The following SUMF1 variants were observed in gnomAD, a reference collection of about 807,000 sequenced individuals.
SUMF1 encodes the protein sulfatase modifying factor 1.
Under a neutral mutation model 47.6 loss-of-function variants are expected in SUMF1, and 48 were observed. That is an observed-to-expected ratio of 1.01 (90% CI 0.80 to 1.28). The LOEUF is 1.28. SUMF1 is among the 50% of genes most tolerant of loss of function. The pLI is 0.00. For synonymous variants in SUMF1, 230 were observed against 192.1 expected, an observed-to-expected ratio of 1.20 and a Z score of -1.63; for missense variants, 571 against 485.4, an observed-to-expected ratio of 1.18 and a Z score of -1.66.
intron 8 of SUMF1, among the ~76,000 whole-genome samples, chr3:4,224,264 G>T (rs1696128181): frequency 6.6e-6 from 1 of 152,060 alleles, no homozygotes; most frequent in Non-Finnish European, 1.5e-5. Flanking sequence ...GACCTGGAAA[G>T]GGGAGAAAAA....
At chr3:4,403,732 C>T (rs1416790131) in intron 7 of SUMF1, among the ~76,000 whole-genome samples, 1 of 152,154 alleles carries the variant, frequency 6.6e-6, no homozygotes, top group East Asian at 1.9e-4. Context: ...CAGTAAGTTG[C>T]CCCAAGTGTT....
intron 8 of SUMF1, among the ~76,000 whole-genome samples, chr3:4,086,849 G>A (rs1692682848): frequency 6.6e-6 from 1 of 151,984 alleles, no homozygotes; most frequent in Admixed American, 6.6e-5. Context: ...TCACTTGGCT[G>A]TCATTTCTGT....
At chr3:4,457,961 G>C (rs560488759) in intron 1 of SUMF1, among the ~76,000 whole-genome samples, 109 of 152,312 alleles carry the variant, frequency 7.2e-4, no homozygotes, top group Middle Eastern at 3.4e-3. Context: ...ATCCCAGAAT[G>C]AGTGAAAATC....
At chr3:4,239,890 T>A (rs1304341971) in intron 8 of SUMF1, among the ~76,000 whole-genome samples, 1 of 152,204 alleles carries the variant, frequency 6.6e-6, no homozygotes, top group East Asian at 1.9e-4. Flanking sequence ...CCATTCAGTA[T>A]GATATTGGCT....
At chr3:4,048,256 T>A (rs987970368) in intron 9 of SUMF1, among the ~76,000 whole-genome samples, 5 of 152,166 alleles carry the variant, frequency 3.3e-5, no homozygotes, top group Non-Finnish European at 7.4e-5. Context: ...TCTGCATTGG[T>A]CATATAGAAT....
At chr3:4,373,759 C>A (rs1559255100) in intron 8 of SUMF1, among the ~76,000 whole-genome samples, 2 of 151,820 alleles carry the variant, frequency 1.3e-5, no homozygotes, top group African/African-American at 2.4e-5. Context: ...CAAGAAAACA[C>A]AGAATAAACT....
At chr3:4,234,921 A>ATG (rs1696376364) in intron 8 of SUMF1, among the ~76,000 whole-genome samples, 1 of 152,158 alleles carries the variant, frequency 6.6e-6, no homozygotes, top group Non-Finnish European at 1.5e-5. Flanking sequence ...TTGTATGTAG[A>ATG]TGTGTGTGTG....
intron 3 of SUMF1, among the ~76,000 whole-genome samples, chr3:4,446,120 C>A (rs537520992): frequency 6.6e-6 from 1 of 152,248 alleles, no homozygotes; most frequent in Non-Finnish European, 1.5e-5. Flanking sequence ...AAAGTATCTC[C>A]ATTAATAAAT....
chr3:4,050,886 A>G (rs1203096906), intron 9 of SUMF1, among the ~76,000 whole-genome samples: 1 of 151,938 alleles, frequency 6.6e-6, no homozygotes, highest in Admixed American at 6.6e-5. Context: ...TCTAAGAAAC[A>G]TAATCTTCAA....
intron 8 of SUMF1, among the ~76,000 whole-genome samples, chr3:4,334,856 T>C (rs757981568): frequency 6.6e-6 from 1 of 152,240 alleles, no homozygotes; most frequent in Non-Finnish European, 1.5e-5. Context: ...TTTTTGCACC[T>C]ATTTTAGTCA....
At chr3:4,211,337 C>A (rs931357957) in intron 8 of SUMF1, among the ~76,000 whole-genome samples, 7 of 150,634 alleles carry the variant, frequency 4.6e-5, no homozygotes, top group Non-Finnish European at 1.0e-4. Flanking sequence ...CTCCACCCTC[C>A]AGTTGGCCCT....
chr3:4,199,445 T>C (rs1243606758), intron 8 of SUMF1, among the ~76,000 whole-genome samples: 1 of 152,118 alleles, frequency 6.6e-6, no homozygotes, highest in African/African-American at 2.4e-5. Flanking sequence ...CAGATACAAG[T>C]CTTTGTGTGC....
At chr3:4,144,156 G>A (rs889343769) in intron 8 of SUMF1, among the ~76,000 whole-genome samples, 19 of 151,630 alleles carry the variant, frequency 1.3e-4, no homozygotes, top group African/African-American at 3.2e-4. Flanking sequence ...TCGTAGAGAC[G>A]GGGTCTTACC....
chr3:4,330,402 G>A (rs957479683), intron 8 of SUMF1, among the ~76,000 whole-genome samples: 1 of 152,200 alleles, frequency 6.6e-6, no homozygotes, highest in African/African-American at 2.4e-5. Flanking sequence ...CACATGGCTG[G>A]GGAAGCCTCA....
chr3:4,127,901 G>A (rs987762516), intron 8 of SUMF1, among the ~76,000 whole-genome samples: 5 of 152,098 alleles, frequency 3.3e-5, no homozygotes, highest in Non-Finnish European at 5.9e-5. Flanking sequence ...TCCTTGGCAT[G>A]AACTGTTTAG....
chr3:4,434,044 G>C (rs1002216551), intron 3 of SUMF1, among the ~76,000 whole-genome samples: 1 of 152,186 alleles, frequency 6.6e-6, no homozygotes, highest in African/African-American at 2.4e-5. Flanking sequence ...AGGCACAAAA[G>C]GACAAGGATT....
At chr3:4,309,739 A>G (rs1182889664) in intron 8 of SUMF1, among the ~76,000 whole-genome samples, 1 of 152,152 alleles carries the variant, frequency 6.6e-6, no homozygotes, top group Non-Finnish European at 1.5e-5. Flanking sequence ...TAATTCTAGT[A>G]GAAAGAGAAT....
At chr3:4,430,523 C>T (rs1166250882) in intron 3 of SUMF1, among the ~76,000 whole-genome samples, 2 of 152,186 alleles carry the variant, frequency 1.3e-5, no homozygotes, top group East Asian at 3.9e-4. Flanking sequence ...AACAAGCACT[C>T]AACATGTAGT....
intron 8 of SUMF1, among the ~76,000 whole-genome samples, chr3:4,204,175 G>A (rs1462582897): frequency 6.6e-6 from 1 of 152,034 alleles, no homozygotes; most frequent in Non-Finnish European, 1.5e-5. Flanking sequence ...CAGGCCTGGT[G>A]TTGACAAAAC....
Sources: allele counts gnomAD v4.1 joint callset (sites outside exome capture counted in the v4.1 genomes callset), GRCh38; gene constraint gnomAD v4.1.1; transcripts MANE v1.5; gene names NCBI Gene and HGNC (gene_info 2026-07-23, HGNC 2026-07-21).